The following NPAS1 variants were observed in gnomAD, a reference collection of about 807,000 sequenced individuals.
NPAS1 encodes neuronal PAS domain protein 1, also known as neuronal PAS domain-containing protein 1.
A neutral mutation model predicts 49.2 loss-of-function variants in NPAS1; 29 were observed. The ratio of observed to expected loss-of-function variants is 0.59; its 90% confidence interval spans 0.44 to 0.80. NPAS1 has a LOEUF of 0.80. NPAS1 is among the 30% of genes least tolerant of loss of function. The pLI is 0.00. For synonymous variants in NPAS1, 408 were observed against 380.4 expected (o/e 1.07, Z -0.84); for missense variants, 825 against 835.5 (o/e 0.99, Z 0.15).
intron 3 of NPAS1, among the ~76,000 whole-genome samples, chr19:47,023,099 C>T (rs1568499750): frequency 6.6e-6 from 1 of 152,232 alleles, no homozygotes; most frequent in Non-Finnish European, 1.5e-5. Flanking sequence ...ATTAAGCTCG[C>T]AATAAATCAC....
At chr19:47,044,370 GCAAAA>G (rs1187319874) in intron 11 of NPAS1, among the ~76,000 whole-genome samples, 1 of 138,322 alleles carries the variant, frequency 7.2e-6, no homozygotes, top group African/African-American at 2.5e-5. Context: ...ACCATGCCCT[GCAAAA>G]CAAAACAAAA....
chr19:47,042,064 T>C (rs1455867035), intron 10 of NPAS1, among the ~76,000 whole-genome samples: 1 of 148,796 alleles, frequency 6.7e-6, no homozygotes, highest in Non-Finnish European at 1.5e-5. Flanking sequence ...TCCCAGCACT[T>C]TGGGAGGCCG....
intron 3 of NPAS1, among the ~76,000 whole-genome samples, chr19:47,022,615 CG>C (rs893345758): frequency 1.1e-4 from 9 of 84,064 alleles, no homozygotes; most frequent in East Asian, 9.5e-4. Context: ...GAGGAGGGGG[CG>C]GGGGGGCTGT....
At chr19:47,023,740 G>A (rs2056855615) in intron 3 of NPAS1, among the ~76,000 whole-genome samples, 1 of 151,942 alleles carries the variant, frequency 6.6e-6, no homozygotes, top group East Asian at 1.9e-4. Context: ...AAAGCTTTGG[G>A]CCAGGAGTTC....
chr19:47,027,333 T>TCTCACTGCCCCAGGTCCCCCC (rs2056877468), intron 3 of NPAS1, among the ~76,000 whole-genome samples: 1 of 118,702 alleles, frequency 8.4e-6, no homozygotes, highest in African/African-American at 2.9e-5. Flanking sequence ...TGGATCCCCC[T>TCTCACTGCCCCAGGTCCCCCC]CTCTCTGCCC....
Position 47,043,494 on chromosome 19 carries a change from G to T in NPAS1, c.1312+590G>T, listed in dbSNP as rs575216336. ...AATCCCAACTACTCGGGAGGCTAAG[G>T]CAGGAGAATCGCTTGAACCCGGAGG... is the stretch of plus-strand genomic sequence containing the variant. On this transcript the variant is annotated intron_variant, in intron 11 of 11. Coordinates refer to ENST00000602212, the MANE Select transcript of NPAS1 (RefSeq NM_002517.4). 2.5e-3 allele frequency among the ~76,000 whole-genome samples: 379 copies of T among 152,180 alleles called. 1 individual carries two copies. The highest frequency in any genetic ancestry group is 4.0e-3 in the Non-Finnish European group (272 of 68,018).
chr19:47,043,021 A>G, intron 11 of NPAS1, 117 bp downstream of exon 11: 3 of 783,182 alleles, frequency 3.8e-6, no homozygotes, highest in Non-Finnish European at 5.6e-6. Context: ...TAAAATTAAA[A>G]TCCAGGCCGG....
rs766978385 is a variant in NPAS1 at position 47,032,289 on chromosome 19, C to T, written c.370C>T (p.Arg124Cys). ...TCCATCTGCCCCAGCCCCAGGCCGC[C>T]GCGGCCCCGCAGCGCTGGTCTCCGA... ...GPPAGLAPGR[R>C]GPAALVSEVF... The change falls in exon 4 of 12, where the codon CGC becomes TGC. Residue 124 changes from arginine to cysteine, a missense_variant. By Grantham distance (180) the Arg-to-Cys change is radical. Coordinates refer to ENST00000602212, the MANE Select transcript of NPAS1 (RefSeq NM_002517.4). 3.7e-6 allele frequency: 6 copies of T among 1,613,910 alleles called. No individual in the cohort carries two copies. Among genetic ancestry groups the T allele is most frequent in the Non-Finnish European group, 5.1e-6 (6 of 1,179,952 alleles).
At position 47,024,519 on chromosome 19, in the gene NPAS1, G is replaced by T. The variant is rs995760401; in HGVS notation, c.358+2672G>T. Among the ~76,000 whole-genome samples the T allele has an allele frequency of 4.3e-4, 59 of 138,568 alleles. No individual in the cohort carries two copies. The Admixed American group carries it at 4.3e-3, about 10-fold the overall frequency. 90.9% of individuals were successfully genotyped at this position (138,568 alleles called of 152,430 possible). On this transcript the variant is annotated intron_variant, in intron 3 of 11. Coordinates refer to ENST00000602212, the MANE Select transcript of NPAS1 (RefSeq NM_002517.4). ...AGGAAAAACAACAACAACAACAAAA[G>T]ATAAAATGACTTTCTTTTTCAGAGG... is the stretch of plus-strand genomic sequence containing the variant.
At position 47,040,598 on chromosome 19, in the gene NPAS1, C is replaced by T. The variant is rs183801679; in HGVS notation, c.1069+48C>T. On this transcript the variant is annotated intron_variant, in intron 9 of 11. Coordinates refer to ENST00000602212, the MANE Select transcript of NPAS1 (RefSeq NM_002517.4). ...AAGCCTGCCTACCACCCCCCAGACC[C>T]GAGCATCCCACTCCCTGGTCCCTGG... 1.1e-3 allele frequency: 1,497 copies of T among 1,319,286 alleles called. 3 individuals carry two copies. The highest frequency in any genetic ancestry group is 7.7e-3 in the South Asian group (608 of 78,856). The allele number at this position is 1,319,286 out of a possible 1,614,324, so 81.7% of individuals were successfully genotyped here.
chr19:47,025,800 C>T (rs1568500711), intron 3 of NPAS1, among the ~76,000 whole-genome samples: 1 of 152,040 alleles, frequency 6.6e-6, no homozygotes, highest in Non-Finnish European at 1.5e-5. Context: ...CTCTCACATT[C>T]CTGGGATCAA....
intron 3 of NPAS1, among the ~76,000 whole-genome samples, chr19:47,029,233 C>G (rs960398118): frequency 1.3e-5 from 2 of 149,786 alleles, no homozygotes; most frequent in African/African-American, 4.9e-5. Flanking sequence ...AGGTGCACAC[C>G]ACCACGCCCG....
chr19:47,033,138 A>G lies in NPAS1; in HGVS notation c.522+406A>G, dbSNP rs370922405. ...TTTTTAGTAAAGATGGGGTTTCACC[A>G]TGTTAGCCAGGATGGTTGAGATCTC... On this transcript the variant is annotated intron_variant, in intron 5 of 11. Coordinates refer to ENST00000602212, the MANE Select transcript of NPAS1 (RefSeq NM_002517.4). Among the ~76,000 whole-genome samples, 11 of 151,658 alleles carry G rather than the reference A, an allele frequency of 7.3e-5. No individual in the cohort carries two copies. In the East Asian group the frequency reaches 1.7e-3, roughly 24 times the overall value.
chr19:47,020,944 C>G, intron 1 of NPAS1, 62 bp from the exon 2 acceptor site: 1 of 785,236 alleles, frequency 1.3e-6, no homozygotes, highest in Non-Finnish European at 1.8e-6. Context: ...GCACGGATCT[C>G]AGTTTCCCTA....
chr19:47,032,426 T>G (rs1236222088), intron 4 of NPAS1, 75 bp downstream of exon 4: 1 of 1,466,748 alleles, frequency 6.8e-7, no homozygotes, highest in Non-Finnish European at 9.5e-7. Context: ...AGCAGCCTCT[T>G]CAGCATCCAT....
At chr19:47,040,906 G>A in intron 9 of NPAS1, 72 bp from the exon 10 acceptor site, 2 of 1,312,388 alleles carry the variant, frequency 1.5e-6, no homozygotes, top group Non-Finnish European at 2.0e-6. Flanking sequence ...GTCTCCTCCT[G>A]TCTACCTGGC....
chr19:47,023,180 C>T (rs1307642154), intron 3 of NPAS1, among the ~76,000 whole-genome samples: 2 of 152,182 alleles, frequency 1.3e-5, no homozygotes, highest in African/African-American at 2.4e-5. Flanking sequence ...GAGAATGCGG[C>T]ATTAGCGCCG....
intron 9 of NPAS1, 189 bp downstream of exon 9, chr19:47,040,739 G>T (rs566337494): frequency 2.5e-4 from 72 of 289,354 alleles, no homozygotes; most frequent in African/African-American, 5.9e-4. Context: ...ATGTGTGTGT[G>T]GGGGGGGGGT....
Position 47,025,074 on chromosome 19 carries a change from G to A in NPAS1, c.358+3227G>A, listed in dbSNP as rs948060459. ...TCCTCCCAAAGTGCTGGGATTGCAG[G>A]CGTGAGGCGCCGTGCCCGGCTTTTA... On this transcript the variant is annotated intron_variant, in intron 3 of 11. Coordinates refer to ENST00000602212, the MANE Select transcript of NPAS1 (RefSeq NM_002517.4). 1.3e-4 allele frequency among the ~76,000 whole-genome samples: 17 copies of A among 135,650 alleles called. 5 individuals are homozygous for A. Among genetic ancestry groups the A allele is most frequent in the Admixed American group, 2.5e-4 (3 of 11,924 alleles). The allele number at this position is 135,650 out of a possible 152,430, so 89.0% of individuals were successfully genotyped here.
Sources: gnomAD v4.1 joint callset for allele counts (sites outside exome capture counted in the v4.1 genomes callset) on GRCh38, gnomAD v4.1.1 for gene constraint, MANE v1.5 for transcripts, NCBI Gene and HGNC (gene_info 2026-07-23, HGNC 2026-07-21) for gene names.